Variants in PDGFC observed in about 807,000 individuals in gnomAD.
The protein encoded by PDGFC is platelet derived growth factor C.
PDGFC carries 12 observed loss-of-function variants against 35.5 expected under a neutral mutation model. The observed-to-expected ratio is 0.34, with a 90% CI of 0.22 to 0.55. PDGFC has a LOEUF of 0.55. Among genes scored for constraint, PDGFC ranks in the 20% least tolerant of loss-of-function variants. The probability of loss-of-function intolerance (pLI) is 0.91; values close to 1 mark genes in which losing one functional copy is unlikely to be tolerated. For missense variants in PDGFC, 322 were observed against 412.4 expected (o/e 0.78, Z 1.90); for synonymous variants, 159 against 148.8 (o/e 1.07, Z -0.50).
chr4:156,955,666 T>G (rs1238943149), intron 1 of PDGFC, among the ~76,000 whole-genome samples: 1 of 151,926 alleles, frequency 6.6e-6, no homozygotes, highest in East Asian at 1.9e-4. Context: ...AATACAAGCA[T>G]AAACAAAAAG....
intron 5 of PDGFC, among the ~76,000 whole-genome samples, chr4:156,764,952 T>C (rs557516949): frequency 6.6e-6 from 1 of 152,214 alleles, no homozygotes; most frequent in Non-Finnish European, 1.5e-5. Context: ...AAAAAATTAC[T>C]ATGTAAGGTA....
At chr4:156,883,410 T>C (rs1044859637) in intron 1 of PDGFC, among the ~76,000 whole-genome samples, 2 of 152,190 alleles carry the variant, frequency 1.3e-5, no homozygotes, top group Admixed American at 6.5e-5. Context: ...TTTAGACTCT[T>C]AGTGTACAAC....
intron 2 of PDGFC, among the ~76,000 whole-genome samples, chr4:156,829,033 G>A (rs2111014606): frequency 6.6e-6 from 1 of 152,210 alleles, no homozygotes; most frequent in African/African-American, 2.4e-5. Context: ...TGAAACTTCA[G>A]ATATTGAACA....
At chr4:156,789,407 C>T (rs1192423612) in intron 3 of PDGFC, among the ~76,000 whole-genome samples, 1 of 152,166 alleles carries the variant, frequency 6.6e-6, no homozygotes, top group Non-Finnish European at 1.5e-5. Flanking sequence ...ATGATAGACT[C>T]AGCTAAACAA....
In PDGFC at chr4:156,887,337, T is replaced by C. The variant is rs561548949; in HGVS notation, c.119-36921A>G. Among the ~76,000 whole-genome samples, 612 of 152,296 alleles carry C rather than the reference T, an allele frequency of 4.0e-3. 1 individual carries two copies. Among genetic ancestry groups the C allele is most frequent in the African/African-American group, 0.014 (583 of 41,578 alleles). On this transcript the variant is annotated intron_variant, in intron 1 of 5. Transcript: ENST00000502773. ...TGCTGTTTAGTAACAAGGCAGAAAA[T>C]ATACAAAGCTGCTCATTTTAATGTC... is the stretch of plus-strand genomic sequence containing the variant.
At chr4:156,824,313 TATATATATATATATACACACACAC>T (rs1203249713) in intron 2 of PDGFC, among the ~76,000 whole-genome samples, 817 of 45,218 alleles carry the variant, frequency 0.018, 23 homozygotes, top group African/African-American at 0.088. Context: ...TATATATATA[TATATATATATATATACACACACAC>T]ACACACACAC....
rs574296134 is a variant in PDGFC at position 156,864,964 on chromosome 4, C to T, written c.119-14548G>A. 2.0e-5 allele frequency among the ~76,000 whole-genome samples: 3 copies of T among 152,160 alleles called. No individual in the cohort carries two copies. The South Asian group carries it at 6.2e-4, about 32-fold the overall frequency. Reference sequence around the variant, plus strand: ...GAATCTGATGAAAGCTATGGATGGTCAAATCAGAAAATTATATATCTGTAC... The same window carrying T: ...GAATCTGATGAAAGCTATGGATGGTTAAATCAGAAAATTATATATCTGTAC... On this transcript the variant is annotated intron_variant, in intron 1 of 5. Transcript: ENST00000502773.
At chr4:156,824,223 T>G (rs1732355723) in intron 2 of PDGFC, among the ~76,000 whole-genome samples, 1 of 148,806 alleles carries the variant, frequency 6.7e-6, no homozygotes, top group Non-Finnish European at 1.5e-5. Context: ...AAACTAGGCT[T>G]TTTGCCCTTC....
intron 1 of PDGFC, among the ~76,000 whole-genome samples, chr4:156,853,968 T>A (rs1465931541): frequency 1.3e-5 from 2 of 152,020 alleles, no homozygotes; most frequent in African/African-American, 4.8e-5. Flanking sequence ...GCCTCAAAAA[T>A]AAAAAAGCAA....
intron 1 of PDGFC, among the ~76,000 whole-genome samples, chr4:156,919,042 C>T (rs558781862): frequency 6.6e-6 from 1 of 152,192 alleles, no homozygotes; most frequent in East Asian, 1.9e-4. Context: ...CTTTTCAGAT[C>T]GATAAAAATG....
chr4:156,781,713 G>T (rs889185021), intron 3 of PDGFC, among the ~76,000 whole-genome samples: 3 of 152,060 alleles, frequency 2.0e-5, no homozygotes, highest in Non-Finnish European at 4.4e-5. Flanking sequence ...AGAAAATGGG[G>T]CGTTTGTCAA....
chr4:156,784,730 G>C (rs929251175), intron 3 of PDGFC, among the ~76,000 whole-genome samples: 1 of 152,196 alleles, frequency 6.6e-6, no homozygotes, highest in Non-Finnish European at 1.5e-5. Flanking sequence ...AATGTCAATT[G>C]TAGATCAAGA....
intron 1 of PDGFC, among the ~76,000 whole-genome samples, chr4:156,947,840 T>C (rs534372537): frequency 1.1e-3 from 161 of 152,006 alleles, no homozygotes; most frequent in African/African-American, 3.5e-3. Flanking sequence ...TGTGCAGCCT[T>C]AGGGTAAAAG....
intron 2 of PDGFC, among the ~76,000 whole-genome samples, chr4:156,845,809 C>G (rs1729313289): frequency 6.6e-6 from 1 of 151,766 alleles, no homozygotes; most frequent in African/African-American, 2.4e-5. Context: ...TACTTAATAT[C>G]TACAGAGAAG....
chr4:156,880,642 T>C (rs1010461473), intron 1 of PDGFC, among the ~76,000 whole-genome samples: 5 of 152,184 alleles, frequency 3.3e-5, no homozygotes, highest in African/African-American at 4.8e-5. Context: ...AGGGTATAGC[T>C]GTCCAGAGAT....
chr4:156,923,509 ATGT>A (rs1412697556), intron 1 of PDGFC, among the ~76,000 whole-genome samples: 1 of 152,236 alleles, frequency 6.6e-6, no homozygotes, highest in Non-Finnish European at 1.5e-5. Flanking sequence ...ACTAAAGGAA[ATGT>A]TGTAGAAGGC....
intron 1 of PDGFC, among the ~76,000 whole-genome samples, chr4:156,903,514 C>T (rs1730843715): frequency 6.6e-6 from 1 of 151,854 alleles, no homozygotes; most frequent in African/African-American, 2.4e-5. Flanking sequence ...CAGATGGTTT[C>T]CCCTATGAAA....
At chr4:156,781,254 G>A (rs1210544483) in intron 3 of PDGFC, among the ~76,000 whole-genome samples, 1 of 152,032 alleles carries the variant, frequency 6.6e-6, no homozygotes, top group Non-Finnish European at 1.5e-5. Context: ...TCTGGAATCT[G>A]ACCATTTTCC....
rs576691129 is a variant in PDGFC, at chr4:156,823,459, C to A, written c.315-12442G>T. On this transcript the variant is annotated intron_variant, in intron 2 of 5. Transcript: ENST00000502773. ...AGTGATAGTTTTGTTTTGTTCTCTT[C>A]TTATTATTGCTATTATTGCAACAAT... Among the ~76,000 whole-genome samples the A allele has an allele frequency of 2.0e-5, 3 of 152,262 alleles. No homozygotes were observed. The South Asian group carries it at 6.2e-4, about 32-fold the overall frequency.
Sources: gnomAD v4.1 joint callset for allele counts (sites outside exome capture counted in the v4.1 genomes callset) on GRCh38, gnomAD v4.1.1 for gene constraint, MANE v1.5 for transcripts, NCBI Gene and HGNC (gene_info 2026-07-23, HGNC 2026-07-21) for gene names.